Variants in RAP1GDS1 observed in about 807,000 individuals in gnomAD.
RAP1GDS1 encodes the protein RAP1, GTP-GDP dissociation stimulator 1.
In RAP1GDS1, 35 loss-of-function variants were observed where a neutral mutation model predicts 71.1. The observed-to-expected ratio is 0.49, with a 90% CI of 0.38 to 0.65. The LOEUF (loss-of-function observed/expected upper bound fraction) is 0.65, where lower values mean the gene tolerates loss of function less well. Ranked by LOEUF, RAP1GDS1 falls within the 30% of genes least tolerant of loss-of-function variation. The pLI, the probability that RAP1GDS1 is intolerant of heterozygous loss-of-function variation, is 0.00. For synonymous variants in RAP1GDS1, 229 were observed against 243.1 expected (o/e 0.94, Z 0.54); for missense variants, 663 against 706.1 (o/e 0.94, Z 0.69).
intron 1 of RAP1GDS1, among the ~76,000 whole-genome samples, chr4:98,268,479 A>G (rs950971702): frequency 6.6e-6 from 1 of 152,184 alleles, no homozygotes; most frequent in African/African-American, 2.4e-5. Context: ...CAAATAGACA[A>G]GAAAAAGAAA....
intron 4 of RAP1GDS1, among the ~76,000 whole-genome samples, chr4:98,363,915 A>T (rs1739117613): frequency 6.6e-6 from 1 of 152,208 alleles, no homozygotes; most frequent in Non-Finnish European, 1.5e-5. Flanking sequence ...GGATTGGGAA[A>T]GTGCGAAAGG....
intron 4 of RAP1GDS1, among the ~76,000 whole-genome samples, chr4:98,376,548 T>G (rs958380180): frequency 1.3e-5 from 2 of 152,074 alleles, no homozygotes; most frequent in African/African-American, 2.4e-5. Flanking sequence ...AAGGAACACA[T>G]TATTATCATT....
chr4:98,346,084 T>C (rs552775190), intron 3 of RAP1GDS1, among the ~76,000 whole-genome samples: 1 of 152,226 alleles, frequency 6.6e-6, no homozygotes, highest in Non-Finnish European at 1.5e-5. Context: ...GACTCAAGAG[T>C]GGGCCCAACC....
intron 6 of RAP1GDS1, among the ~76,000 whole-genome samples, chr4:98,401,610 A>G (rs1245886874): frequency 6.6e-6 from 1 of 152,186 alleles, no homozygotes; most frequent in Admixed American, 6.5e-5. Flanking sequence ...TTAAATTCAT[A>G]GAGTTGTAAT....
intron 4 of RAP1GDS1, among the ~76,000 whole-genome samples, chr4:98,374,210 AG>A (rs1239466056): frequency 6.6e-6 from 1 of 151,794 alleles, no homozygotes; most frequent in Non-Finnish European, 1.5e-5. Flanking sequence ...CCACTTGTTT[AG>A]TTTGTTCATG....
At position 98,424,633 on chromosome 4, in the gene RAP1GDS1, C is replaced by T. The variant is rs565696663; in HGVS notation, c.1440+3239C>T. Among the ~76,000 whole-genome samples the T allele has an allele frequency of 7.9e-5, 12 of 152,058 alleles. No individual in the cohort carries two copies. The South Asian group carries it at 1.7e-3, about 21-fold the overall frequency. On this transcript the variant is annotated intron_variant, in intron 12 of 14. Coordinates refer to ENST00000408927, the MANE Select transcript of RAP1GDS1 (RefSeq NM_001100427.2). The stretch of plus-strand genomic sequence containing the variant: ...AAAATTAGCCAGGCATGGTGGCGTG[C>T]GCCTGTAATCCCAGCTACTGGGGAG...
chr4:98,419,937 A>G, intron 10 of RAP1GDS1, 82 bp from the exon 11 acceptor site: 1 of 1,241,912 alleles, frequency 8.1e-7, no homozygotes. Context: ...TCTTAAAGAT[A>G]CTTAATAAAC....
intron 12 of RAP1GDS1, among the ~76,000 whole-genome samples, chr4:98,430,416 A>G (rs1750236360): frequency 6.6e-6 from 1 of 152,312 alleles, no homozygotes; most frequent in East Asian, 1.9e-4. Flanking sequence ...CAGAGCTGTT[A>G]TTTTCTAACT....
chr4:98,365,785 T>A (rs1739400512), intron 4 of RAP1GDS1, among the ~76,000 whole-genome samples: 1 of 152,214 alleles, frequency 6.6e-6, no homozygotes, highest in Non-Finnish European at 1.5e-5. Flanking sequence ...TTTAAATATC[T>A]CTATTGGCAC....
intron 4 of RAP1GDS1, among the ~76,000 whole-genome samples, chr4:98,359,986 C>CT (rs1430361676): frequency 6.6e-6 from 1 of 152,174 alleles, no homozygotes; most frequent in Non-Finnish European, 1.5e-5. Flanking sequence ...GTAAAGTACT[C>CT]TATCTCTTCA....
chr4:98,303,149 G>A (rs976605281), intron 2 of RAP1GDS1, among the ~76,000 whole-genome samples: 3 of 151,944 alleles, frequency 2.0e-5, no homozygotes, highest in African/African-American at 7.2e-5. Context: ...GTAACTGAAG[G>A]AATAAGAATT....
chr4:98,343,297 G>A (rs763270037), intron 3 of RAP1GDS1, 36 bp downstream of exon 3: 19 of 1,551,290 alleles, frequency 1.2e-5, no homozygotes, highest in Admixed American at 1.2e-4. Flanking sequence ...TGCTGGGAAC[G>A]TCTTCAGTTT....
intron 1 of RAP1GDS1, among the ~76,000 whole-genome samples, chr4:98,263,522 G>A (rs1347036488): frequency 6.6e-6 from 1 of 152,304 alleles, no homozygotes; most frequent in South Asian, 2.1e-4. Context: ...TGGTTAATCT[G>A]TCTCTTCATA....
chr4:98,302,806 G>A (rs368609043), intron 2 of RAP1GDS1, among the ~76,000 whole-genome samples: 23 of 152,314 alleles, frequency 1.5e-4, no homozygotes, highest in African/African-American at 5.1e-4. Flanking sequence ...AGCACTTTGG[G>A]AGGCCAAGGT....
At chr4:98,374,277 T>C (rs1335899265) in intron 4 of RAP1GDS1, among the ~76,000 whole-genome samples, 1 of 152,228 alleles carries the variant, frequency 6.6e-6, no homozygotes, top group African/African-American at 2.4e-5. Flanking sequence ...TTTCTTGGTT[T>C]GTTGAGTCTG....
intron 4 of RAP1GDS1, among the ~76,000 whole-genome samples, chr4:98,353,998 G>A (rs972815476): frequency 6.6e-6 from 1 of 150,718 alleles, no homozygotes; most frequent in African/African-American, 2.4e-5. Flanking sequence ...GATTATTACT[G>A]TTTTTATTCT....
chr4:98,263,163 T>G (rs983048896), intron 1 of RAP1GDS1, among the ~76,000 whole-genome samples: 4 of 152,174 alleles, frequency 2.6e-5, no homozygotes, highest in Non-Finnish European at 5.9e-5. Context: ...TAAAATTCCT[T>G]TGAACATACA....
intron 2 of RAP1GDS1, among the ~76,000 whole-genome samples, chr4:98,340,368 A>G (rs1735319094): frequency 6.6e-6 from 1 of 152,204 alleles, no homozygotes; most frequent in African/African-American, 2.4e-5. Context: ...TTGCAGCAAC[A>G]TGGATGAAGC....
intron 2 of RAP1GDS1, among the ~76,000 whole-genome samples, chr4:98,308,188 G>T (rs1473377904): frequency 6.8e-6 from 1 of 147,740 alleles, no homozygotes. Context: ...ATGTGTATGG[G>T]TGTGTGTATA....
Sources: gnomAD v4.1 joint callset for allele counts (sites outside exome capture counted in the v4.1 genomes callset) on GRCh38, gnomAD v4.1.1 for gene constraint, MANE v1.5 for transcripts, NCBI Gene and HGNC (gene_info 2026-07-23, HGNC 2026-07-21) for gene names.